Variants in SPEF2 observed in about 807,000 individuals in gnomAD.
The protein encoded by SPEF2 is sperm flagella and cilia-associated protein 2.
Under a neutral mutation model 224.6 loss-of-function variants are expected in SPEF2, and 187 were observed. The ratio of observed to expected loss-of-function variants is 0.83; its 90% CI spans 0.74 to 0.94. The LOEUF (loss-of-function observed/expected upper bound fraction) is 0.94. Among genes scored for constraint, SPEF2 ranks in the 40% least tolerant of loss-of-function variants. The pLI is 0.00. For synonymous variants in SPEF2, 715 were observed against 707.3 expected, an observed-to-expected ratio of 1.01 and a Z score of -0.17; for missense variants, 2,170 against 2,135.6, an observed-to-expected ratio of 1.02 and a Z score of -0.32.
intron 31 of SPEF2, among the ~76,000 whole-genome samples, chr5:35,792,778 T>C (rs1756140662): frequency 6.6e-6 from 1 of 152,226 alleles, no homozygotes; most frequent in African/African-American, 2.4e-5. Context: ...TCATAACATT[T>C]TCCTTAAGAA....
At chr5:35,628,672 A>T (rs1467097503) in intron 2 of SPEF2, 110 bp downstream of exon 2, 3 of 684,722 alleles carry the variant, frequency 4.4e-6, no homozygotes, top group African/African-American at 3.7e-5. Context: ...GCTCACAGCA[A>T]CCTCAAACTC....
chr5:35,633,501 C>T (rs1047568865), intron 2 of SPEF2, among the ~76,000 whole-genome samples: 2 of 151,940 alleles, frequency 1.3e-5, no homozygotes, highest in Non-Finnish European at 2.9e-5. Flanking sequence ...CATCCTTTTA[C>T]TTTCAATAAA....
chr5:35,779,217 A>G lies in SPEF2; in HGVS notation c.4318A>G (p.Asn1440Asp), dbSNP rs767554262. The G allele has an allele frequency of 9.3e-6, 15 of 1,613,926 alleles. No individual in the cohort carries two copies. In the East Asian group the frequency reaches 2.9e-4, roughly 31 times the overall value. Residue 1440 changes from asparagine to aspartate, a missense_variant, in exon 30 of 37, where the codon AAT becomes GAT. Coordinates refer to ENST00000356031, the MANE Select transcript of SPEF2 (RefSeq NM_024867.4). ...LSQEDFFINGNIKVFPDPPPS... is the reference protein window; with the variant it reads ...LSQEDFFINGDIKVFPDPPPS... ...CCAAGAAGACTTCTTCATTAATGGCAATATAAAAGTCTTCCCAGATCCTCC... is the reference window on the plus strand; with the variant it reads ...CCAAGAAGACTTCTTCATTAATGGCGATATAAAAGTCTTCCCAGATCCTCC...
Position 35,814,494 on chromosome 5 carries a change from C to T in SPEF2, c.5410C>T (p.His1804Tyr). ...DIKIILQRSE[H>Y]VQGSDGERSP... Reference sequence around the variant, plus strand: ...TAAAATAATTCTCCAAAGGAGTGAACATGTACAAGGAAGTGATGGAGAGAG... The same window carrying T: ...TAAAATAATTCTCCAAAGGAGTGAATATGTACAAGGAAGTGATGGAGAGAG... Residue 1804 changes from histidine (H) to tyrosine (Y), a missense_variant, in exon 37 of 37, where the codon CAT becomes TAT. By Grantham distance (83) the His-to-Tyr change is moderately conservative. Transcript: ENST00000356031. 1.2e-6 allele frequency: 2 copies of T among 1,607,664 alleles called. No homozygotes were observed. Among genetic ancestry groups the T allele is most frequent in the South Asian group, 2.2e-5 (2 of 89,946 alleles).
intron 30 of SPEF2, among the ~76,000 whole-genome samples, chr5:35,780,722 G>A (rs1007352529): frequency 2.0e-5 from 3 of 151,958 alleles, no homozygotes; most frequent in Admixed American, 6.6e-5. Context: ...AAAAAGATAA[G>A]TGTAAGTGGA....
chr5:35,710,228 G>A (rs13356541), intron 19 of SPEF2: 766,508 of 983,070 alleles, frequency 0.78, 299,733 homozygotes, highest in Middle Eastern at 0.82. Context: ...TCAGAGGTCT[G>A]GAGGAAAATG....
chr5:35,809,795 C>T (rs1470920417), intron 36 of SPEF2, among the ~76,000 whole-genome samples: 3 of 152,162 alleles, frequency 2.0e-5, no homozygotes, highest in Non-Finnish European at 2.9e-5. Context: ...GCCATAATGT[C>T]ATCCTGCACA....
At chr5:35,666,950 T>A in intron 8 of SPEF2, 122 bp from the exon 9 acceptor site, 1 of 845,924 alleles carries the variant, frequency 1.2e-6, no homozygotes, top group Non-Finnish European at 1.8e-6. Flanking sequence ...TCATGATTAA[T>A]TTTTTTCCTG....
intron 10 of SPEF2, 151 bp from the exon 11 acceptor site, chr5:35,690,886 A>G: frequency 3.6e-6 from 2 of 562,834 alleles, no homozygotes; most frequent in Non-Finnish European, 5.9e-6. Context: ...TGAAACTATT[A>G]TTAATGTTAT....
chr5:35,709,429 G>A, intron 19 of SPEF2: 1 of 1,117,448 alleles, frequency 8.9e-7, no homozygotes, highest in Non-Finnish European at 1.1e-6. Context: ...CAGATCAAGA[G>A]GATACACGTC....
intron 2 of SPEF2, chr5:35,633,046 G>T (rs1745346438): frequency 6.6e-6 from 1 of 152,070 alleles, no homozygotes; most frequent in South Asian, 2.1e-4. Context: ...TTTTAAAAAT[G>T]GTCTAACGTA....
At chr5:35,676,496 A>C (rs1752039491) in intron 10 of SPEF2, among the ~76,000 whole-genome samples, 1 of 152,198 alleles carries the variant, frequency 6.6e-6, no homozygotes, top group Admixed American at 6.5e-5. Flanking sequence ...TGGGAGGCCA[A>C]GGCAGGCAGA....
At chr5:35,802,146 C>T (rs1003474691) in intron 34 of SPEF2, among the ~76,000 whole-genome samples, 1 of 152,166 alleles carries the variant, frequency 6.6e-6, no homozygotes, top group Admixed American at 6.5e-5. Flanking sequence ...GATGCCCTCT[C>T]CTTTCCTGCC....
intron 30 of SPEF2, chr5:35,790,118 G>C: frequency 1.4e-6 from 1 of 702,822 alleles, no homozygotes; most frequent in South Asian, 1.5e-5. Context: ...ACCTAGTGTT[G>C]ACCCTTCCTG....
intron 20 of SPEF2, among the ~76,000 whole-genome samples, chr5:35,715,286 T>C (rs573341899): frequency 1.1e-3 from 160 of 152,010 alleles, no homozygotes; most frequent in African/African-American, 3.6e-3. Context: ...TGAAGACTTA[T>C]GTTTTCACTC....
chr5:35,689,646 C>T (rs986719902), intron 10 of SPEF2, among the ~76,000 whole-genome samples: 1 of 152,114 alleles, frequency 6.6e-6, no homozygotes, highest in Non-Finnish European at 1.5e-5. Context: ...AGATAATGGC[C>T]TCCAGCTGCA....
rs527607000 is a variant in SPEF2 at position 35,729,885 on chromosome 5, G to A, written c.3063+2062G>A. ...ATTTTCTCTTGCCGCTGCCACGTAA[G>A]AAGTGTCTTTCACCTCATACCATGA... On this transcript the variant is annotated intron_variant, in intron 21 of 36. Coordinates refer to ENST00000356031, the MANE Select transcript of SPEF2 (RefSeq NM_024867.4). Among the ~76,000 whole-genome samples the A allele has an allele frequency of 4.6e-5, 7 of 152,240 alleles. No homozygotes were observed. The South Asian group carries it at 1.2e-3, about 27-fold the overall frequency.
intron 10 of SPEF2, among the ~76,000 whole-genome samples, chr5:35,681,991 A>T (rs1013154): frequency 0.27 from 41,448 of 151,998 alleles, 8,174 homozygotes; most frequent in African/African-American, 0.55. Flanking sequence ...TTCCCTGAAA[A>T]TTGAGGATTG....
chr5:35,692,547 T>C (rs1171612155), intron 11 of SPEF2, 23 bp from the exon 12 acceptor site: 14 of 1,542,858 alleles, frequency 9.1e-6, no homozygotes, highest in African/African-American at 1.4e-5. Context: ...AAGCTATTTA[T>C]AAAATTATCT....
Sources: gnomAD v4.1 joint callset for allele counts (sites outside exome capture counted in the v4.1 genomes callset) on GRCh38, gnomAD v4.1.1 for gene constraint, MANE v1.5 for transcripts, NCBI Gene and HGNC (gene_info 2026-07-23, HGNC 2026-07-21) for gene names.